The following IL5 variants were observed in gnomAD, a reference collection of about 807,000 sequenced individuals.
IL5 encodes the protein interleukin 5, also known as interleukin-5.
IL5 carries 12 observed loss-of-function variants against 16.3 expected under a neutral mutation model. That is an observed-to-expected ratio of 0.74 (90% confidence interval 0.47 to 1.20). IL5 has a LOEUF of 1.20. Among genes scored for constraint, IL5 ranks in the 50% most tolerant of loss-of-function variants. The pLI is 0.00. For missense variants in IL5, 159 were observed against 153.9 expected (o/e 1.03, Z -0.17); for synonymous variants, 54 against 56.6 (o/e 0.95, Z 0.21).
intron 1 of IL5, among the ~76,000 whole-genome samples, chr5:132,551,346 T>C (rs1200679389): frequency 6.6e-6 from 1 of 152,250 alleles, no homozygotes; most frequent in African/African-American, 2.4e-5. Context: ...GATGCAAAGA[T>C]ACATAGCAGG....
intron 2 of IL5, among the ~76,000 whole-genome samples, chr5:132,542,522 A>G (rs184768090): frequency 3.3e-5 from 5 of 152,348 alleles, no homozygotes; most frequent in African/African-American, 9.6e-5. Flanking sequence ...TGCATTATAC[A>G]TTAAACTCAT....
At chr5:132,553,544 A>G (rs930656744) in intron 1 of IL5, among the ~76,000 whole-genome samples, 29 of 152,092 alleles carry the variant, frequency 1.9e-4, no homozygotes, top group Admixed American at 9.8e-4. Context: ...ATCTTTCTGA[A>G]ATTTTATCCA....
chr5:132,556,729 G>A lies in IL5; in HGVS notation c.-14C>T. On this transcript the variant is annotated 5_prime_UTR_variant, in exon 1 of 3. Transcript: ENST00000450655. ...CACTACCCCCATTCCAGGAGTCCCA[G>A]GATCAAGCTTTGGGAAGCGCCATCC... The A allele has an allele frequency of 6.5e-6, 8 of 1,238,700 alleles. No individual in the cohort carries two copies. The African/African-American group carries it at 1.1e-4, about 17-fold the overall frequency. The allele number at this position is 1,238,700 out of a possible 1,614,324, so 76.7% of individuals were successfully genotyped here.
intron 1 of IL5, among the ~76,000 whole-genome samples, chr5:132,552,861 A>G (rs1325942468): frequency 6.6e-6 from 1 of 152,118 alleles, no homozygotes; most frequent in Non-Finnish European, 1.5e-5. Context: ...CAGCCTCCTG[A>G]GTAGCTAGGA....
At chr5:132,555,135 C>T (rs1019155520) in intron 1 of IL5, among the ~76,000 whole-genome samples, 1 of 152,186 alleles carries the variant, frequency 6.6e-6, no homozygotes, top group African/African-American at 2.4e-5. Context: ...AGGCCCAGCT[C>T]GGGTGGTAAT....
rs1251804922 is a variant in IL5 at position 132,556,740 on chromosome 5, T to C, written c.-25A>G. 4 of 1,224,004 alleles carry C rather than the reference T, an allele frequency of 3.3e-6. No homozygotes were observed. The Admixed American group carries it at 1.1e-4, about 34-fold the overall frequency. The allele number at this position is 1,224,004 out of a possible 1,614,324, so 75.8% of individuals were successfully genotyped here. A position where few individuals can be genotyped will look rare whatever the true frequency, so the allele number is the denominator to read the frequency against. ...TTCCAGGAGTCCCAGGATCAAGCTTTGGGAAGCGCCATCCGTCACAGGTCT... is the reference window on the plus strand; with the variant it reads ...TTCCAGGAGTCCCAGGATCAAGCTTCGGGAAGCGCCATCCGTCACAGGTCT... On this transcript the variant is annotated 5_prime_UTR_variant, in exon 1 of 3. Coordinates refer to the IL5 transcript ENST00000450655.
chr5:132,543,395 T>G lies in IL5; in HGVS notation c.84A>C (p.Ala28=). ...GCAGTGCCAAGGTCTCTTTCACCAATGCACTTGTGGGAATTTCTGTGGGGA... is the reference window on the plus strand; with the variant it reads ...GCAGTGCCAAGGTCTCTTTCACCAAGGCACTTGTGGGAATTTCTGTGGGGA... ...YAIPTEIPTS[A]LVKETLALLS... Residue 28 remains alanine (A), a synonymous_variant, in exon 1 of 4, where the codon GCA becomes GCC. Transcript: ENST00000231454. The G allele has an allele frequency of 6.2e-7, 1 of 1,614,242 alleles. No homozygotes were observed. The highest frequency in any genetic ancestry group is 1.1e-5 in the South Asian group (1 of 91,090).
chr5:132,555,609 G>A (rs1468568046), intron 1 of IL5, among the ~76,000 whole-genome samples: 1 of 152,138 alleles, frequency 6.6e-6, no homozygotes, highest in African/African-American at 2.4e-5. Context: ...TCCGCCTCCC[G>A]GGTTCATGCC....
rs57467548 is a variant in IL5 at position 132,553,938 on chromosome 5, TAAAAAAAAAA to T, written c.42+2726_42+2735del. 5.5e-3 allele frequency among the ~76,000 whole-genome samples: 482 copies of T among 87,294 alleles called. 24 individuals are homozygous for T. The East Asian group carries it at 0.13, about 23-fold the overall frequency. The allele number at this position is 87,294 out of a possible 152,430, so 57.3% of individuals were successfully genotyped here. ...TGGGCAACAGAGAGAGACTCCGTCT[TAAAAAAAAAA>T]AAAAAAAAAAAAAAAGGTCTTGGTG... On this transcript the variant is annotated intron_variant, in intron 1 of 2. Transcript: ENST00000450655.
intron 1 of IL5, among the ~76,000 whole-genome samples, chr5:132,549,882 T>C (rs1749855191): frequency 6.6e-6 from 1 of 150,526 alleles, no homozygotes; most frequent in African/African-American, 2.4e-5. Context: ...TTTAATATGA[T>C]TTTTTAATTG....
At chr5:132,546,721 A>C (rs570006373), upstream of IL5, among the ~76,000 whole-genome samples, 57 of 152,268 alleles carry the variant, frequency 3.7e-4, 1 homozygote, top group Admixed American at 2.1e-3. Context: ...CCTGTAAAAT[A>C]ATGTATTTGA....
rs972399853 is a variant in IL5 at position 132,543,372 on chromosome 5, A to C, written c.107T>G (p.Leu36Arg). ...TSALVKETLA[L>R]LSTHRTLLIA... is the part of the protein sequence containing the mutation. ...CAGCAGAGTTCGATGAGTAGAAAGC[A>C]GTGCCAAGGTCTCTTTCACCAATGC... The change falls in exon 1 of 4, where the codon CTG becomes CGG. Residue 36 changes from leucine to arginine, a missense_variant. By Grantham distance (102) the Leu-to-Arg change is moderately radical. Coordinates refer to ENST00000231454, the MANE Select transcript of IL5 (RefSeq NM_000879.3). 1 of 1,614,254 alleles carries C rather than the reference A, an allele frequency of 6.2e-7. No homozygotes were observed. Among genetic ancestry groups the C allele is most frequent in the Admixed American group, 1.7e-5 (1 of 60,034 alleles).
Position 132,555,767 on chromosome 5 carries a change from G to A in IL5, c.42+907C>T, listed in dbSNP as rs970380624. On this transcript the variant is annotated intron_variant, in intron 1 of 2. Transcript: ENST00000450655. ...CCTGACCTCGTGATCCACCCGTCTCGGCCTCCCAAAGTGCTGGGATTACAG... is the reference window on the plus strand; with the variant it reads ...CCTGACCTCGTGATCCACCCGTCTCAGCCTCCCAAAGTGCTGGGATTACAG... Among the ~76,000 whole-genome samples the A allele has an allele frequency of 6.6e-5, 10 of 152,258 alleles. 1 individual carries two copies. The highest frequency in any genetic ancestry group is 3.9e-4 in the Admixed American group (6 of 15,290).
At chr5:132,544,283 T>C (rs1334662123), upstream of IL5, among the ~76,000 whole-genome samples, 1 of 152,200 alleles carries the variant, frequency 6.6e-6, no homozygotes, top group Non-Finnish European at 1.5e-5. Context: ...GATTGTTTAA[T>C]CAAAAGCTTT....
chr5:132,548,672 C>T (rs887820342), intron 1 of IL5, among the ~76,000 whole-genome samples: 1 of 152,078 alleles, frequency 6.6e-6, no homozygotes, highest in East Asian at 1.9e-4. Context: ...TCTGTGTGTG[C>T]GTCTGTGTGC....
chr5:132,543,288 G>T (rs1580964260), intron 1 of IL5, 47 bp downstream of exon 1: 1 of 1,542,476 alleles, frequency 6.5e-7, no homozygotes, highest in South Asian at 1.1e-5. Context: ...CATCACAAAT[G>T]ATTACCTATG....
Position 132,543,012 on chromosome 5 carries a change from A to G in IL5, c.177+82T>C. The G allele has an allele frequency of 7.8e-6, 8 of 1,022,056 alleles. 1 individual carries two copies. In the South Asian group the frequency reaches 9.5e-5, roughly 12 times the overall value. The allele number at this position is 1,022,056 out of a possible 1,614,324, so 63.3% of individuals were successfully genotyped here. On this transcript the variant is annotated intron_variant, in intron 2 of 3. Transcript: ENST00000231454. ...AAAATATAGAAAATTAAATAGTTCC[A>G]ATGATAACTAATGATTTACAGCTTA...
At chr5:132,543,066 C>T in intron 2 of IL5, 28 bp downstream of exon 2, 1 of 1,503,804 alleles carries the variant, frequency 6.6e-7, no homozygotes, top group Admixed American at 1.7e-5. Context: ...TTCATGCCAT[C>T]ATTTTACTGA....
upstream of IL5, among the ~76,000 whole-genome samples, chr5:132,544,191 A>T (rs752106487): frequency 5.9e-5 from 9 of 152,194 alleles, no homozygotes; most frequent in Non-Finnish European, 1.2e-4. Context: ...TTTCCCATTG[A>T]GGTCTCAAGA....
Sources: allele counts gnomAD v4.1 joint callset (sites outside exome capture counted in the v4.1 genomes callset), GRCh38; gene constraint gnomAD v4.1.1; transcripts MANE v1.5; gene names NCBI Gene and HGNC (gene_info 2026-07-23, HGNC 2026-07-21).